The following TMTC1 variants were observed in gnomAD, a reference collection of about 807,000 sequenced individuals.
TMTC1 encodes the protein transmembrane O-mannosyltransferase targeting cadherins 1.
In TMTC1, 73 loss-of-function variants were observed where a neutral mutation model predicts 104.8. The observed-to-expected ratio is 0.70, with a 90% CI of 0.58 to 0.85. TMTC1 has a LOEUF of 0.85. Among genes scored for constraint, TMTC1 ranks in the 40% least tolerant of loss-of-function variants. The probability of loss-of-function intolerance (pLI) is 0.00; values close to 1 mark genes in which losing one functional copy is unlikely to be tolerated. For missense variants in TMTC1, 1,035 were observed against 1,096.1 expected, an observed-to-expected ratio of 0.94 and a Z score of 0.79; for synonymous variants, 434 against 428.7, an observed-to-expected ratio of 1.01 and a Z score of -0.15.
chr12:29,642,848 C>A (rs1858724984), intron 5 of TMTC1, among the ~76,000 whole-genome samples: 1 of 151,776 alleles, frequency 6.6e-6, no homozygotes, highest in South Asian at 2.1e-4. Flanking sequence ...TGGCGTGAAC[C>A]CAGGAGGCGG....
intron 5 of TMTC1, among the ~76,000 whole-genome samples, chr12:29,726,246 T>C (rs1043135841): frequency 3.9e-5 from 6 of 152,200 alleles, no homozygotes; most frequent in Non-Finnish European, 7.3e-5. Flanking sequence ...TCATTCTAGA[T>C]TTCTGCCCTC....
At chr12:29,536,078 A>G (rs1234885929) in intron 11 of TMTC1, 131 bp downstream of exon 11, 1 of 670,682 alleles carries the variant, frequency 1.5e-6, no homozygotes, top group East Asian at 2.7e-5. Flanking sequence ...TTTCTGTCCA[A>G]AAGAAACTGA....
At chr12:29,754,798 G>A (rs1270673360) in intron 4 of TMTC1, among the ~76,000 whole-genome samples, 1 of 152,062 alleles carries the variant, frequency 6.6e-6, no homozygotes, top group African/African-American at 2.4e-5. Context: ...TTCCAGGCAG[G>A]AAGGTGATCA....
At chr12:29,515,939 A>C (rs1943972600) in intron 15 of TMTC1, among the ~76,000 whole-genome samples, 1 of 151,692 alleles carries the variant, frequency 6.6e-6, no homozygotes. Flanking sequence ...ATATTGTTTC[A>C]TGTAATCTTC....
At chr12:29,516,203 G>T in intron 15 of TMTC1, 146 bp downstream of exon 15, 1 of 960,378 alleles carries the variant, frequency 1.0e-6, no homozygotes, top group Non-Finnish European at 1.5e-6. Context: ...GGGGATATCT[G>T]TGAAAAGTTT....
rs916397114 is a variant in TMTC1, at chr12:29,722,227, T to C, written c.938+29439A>G. On this transcript the variant is annotated intron_variant, in intron 5 of 17. Transcript: ENST00000539277. ...ACTGCTAGTGTATAATGTGCAGGAA[T>C]TTGCACCTACAATGCAGAAAATACA... Among the ~76,000 whole-genome samples the C allele has an allele frequency of 7.9e-5, 12 of 152,306 alleles. No individual in the cohort carries two copies. The East Asian group carries it at 1.2e-3, about 15-fold the overall frequency.
intron 7 of TMTC1, among the ~76,000 whole-genome samples, chr12:29,596,474 C>T (rs1379804125): frequency 6.6e-6 from 1 of 152,172 alleles, no homozygotes; most frequent in Admixed American, 6.5e-5. Flanking sequence ...TTCATCACTC[C>T]TGCTATGAAA....
intron 9 of TMTC1, among the ~76,000 whole-genome samples, chr12:29,571,200 T>C (rs1344155176): frequency 6.6e-6 from 1 of 152,106 alleles, no homozygotes; most frequent in Non-Finnish European, 1.5e-5. Flanking sequence ...GTGAGCATCA[T>C]AGTATTTAAT....
chr12:29,643,508 T>TATTA, intron 5 of TMTC1, among the ~76,000 whole-genome samples: 2 of 57,192 alleles, frequency 3.5e-5, no homozygotes, highest in Non-Finnish European at 6.5e-5. Context: ...ATTATATATT[T>TATTA]TATATATAAT....
chr12:29,740,934 G>C (rs528866745), intron 5 of TMTC1, among the ~76,000 whole-genome samples: 3 of 152,196 alleles, frequency 2.0e-5, no homozygotes, highest in Admixed American at 6.5e-5. Flanking sequence ...AGTGTTGTTA[G>C]AGTCTAGTGT....
chr12:29,749,815 T>C (rs1943044518), intron 5 of TMTC1, among the ~76,000 whole-genome samples: 1 of 151,984 alleles, frequency 6.6e-6, no homozygotes. Context: ...TTCCTTCCTT[T>C]CCCTCTCCCC....
chr12:29,653,553 A>G (rs746985209), intron 5 of TMTC1, among the ~76,000 whole-genome samples: 5 of 152,176 alleles, frequency 3.3e-5, no homozygotes, highest in Non-Finnish European at 7.4e-5. Context: ...TTAGTTTCTA[A>G]TTATATTGTT....
intron 5 of TMTC1, among the ~76,000 whole-genome samples, chr12:29,728,173 T>TA (rs375002981): frequency 6.6e-6 from 1 of 152,198 alleles, no homozygotes; most frequent in Non-Finnish European, 1.5e-5. Flanking sequence ...GCCAGCACCC[T>TA]AATCCTCTGT....
intron 5 of TMTC1, among the ~76,000 whole-genome samples, chr12:29,639,755 C>T (rs1938743259): frequency 6.6e-6 from 1 of 152,146 alleles, no homozygotes; most frequent in African/African-American, 2.4e-5. Context: ...AAAATGCATA[C>T]ATACATTATG....
chr12:29,672,994 G>T (rs190717315), intron 5 of TMTC1, among the ~76,000 whole-genome samples: 4 of 152,324 alleles, frequency 2.6e-5, no homozygotes, highest in African/African-American at 7.2e-5. Context: ...AGATAGGATG[G>T]TTGACTGTCA....
intron 2 of TMTC1, among the ~76,000 whole-genome samples, chr12:29,760,707 T>C (rs1943323614): frequency 6.6e-6 from 1 of 151,788 alleles, no homozygotes; most frequent in African/African-American, 2.4e-5. Flanking sequence ...TTGATAAAAA[T>C]ATAAATGAAT....
chr12:29,714,664 T>C (rs1360185111), intron 5 of TMTC1, among the ~76,000 whole-genome samples: 1 of 152,092 alleles, frequency 6.6e-6, no homozygotes, highest in Non-Finnish European at 1.5e-5. Context: ...GTACCCCCCC[T>C]GGATTTGTGG....
chr12:29,651,489 A>G (rs1286258337), intron 5 of TMTC1, among the ~76,000 whole-genome samples: 1 of 152,190 alleles, frequency 6.6e-6, no homozygotes, highest in East Asian at 1.9e-4. Context: ...GTAAGTTTCA[A>G]TATAAGAAGT....
intron 10 of TMTC1, among the ~76,000 whole-genome samples, chr12:29,550,179 G>T (rs1945056669): frequency 6.6e-6 from 1 of 152,084 alleles, no homozygotes; most frequent in Non-Finnish European, 1.5e-5. Flanking sequence ...GAGAAATATT[G>T]GTCTAGGGAA....
Sources: gnomAD v4.1 joint callset for allele counts (sites outside exome capture counted in the v4.1 genomes callset) on GRCh38, gnomAD v4.1.1 for gene constraint, MANE v1.5 for transcripts, NCBI Gene and HGNC (gene_info 2026-07-23, HGNC 2026-07-21) for gene names.